Variants in MICU3 observed in about 807,000 individuals in gnomAD.
The protein encoded by MICU3 is calcium uptake protein 3, mitochondrial.
A neutral mutation model predicts 66.5 loss-of-function variants in MICU3; 62 were observed. The ratio of observed to expected loss-of-function variants is 0.93; its 90% CI spans 0.76 to 1.15. MICU3 has a LOEUF of 1.15. Among genes scored for constraint, MICU3 ranks in the 50% most tolerant of loss-of-function variants. The probability of loss-of-function intolerance (pLI) is 0.00; values close to 1 mark genes in which losing one functional copy is unlikely to be tolerated. For synonymous variants in MICU3, 308 were observed against 240.7 expected (o/e 1.28, Z -2.59); for missense variants, 779 against 664.4 (o/e 1.17, Z -1.90).
chr8:17,077,739 G>T lies in MICU3; in HGVS notation c.568-44G>T, dbSNP rs373142084. ...AACATGTTTTTGATCTATTTTATTA[G>T]TAAGTTGTTTACCAATTCATCAGTA... On this transcript the variant is annotated intron_variant, in intron 3 of 14. Coordinates refer to ENST00000318063, the MANE Select transcript of MICU3 (RefSeq NM_181723.3). The T allele has an allele frequency of 3.0e-6, 4 of 1,331,316 alleles. No individual in the cohort carries two copies. In the African/African-American group the frequency reaches 5.8e-5, roughly 19 times the overall value. 82.5% of individuals were successfully genotyped at this position (1,331,316 alleles called of 1,614,324 possible).
chr8:17,036,705 A>G (rs1039448671), intron 1 of MICU3, among the ~76,000 whole-genome samples: 1 of 152,220 alleles, frequency 6.6e-6, no homozygotes, highest in Admixed American at 6.5e-5. Context: ...TGAGCTAGAT[A>G]TAAAGACTCT....
At chr8:17,061,614 T>C (rs1397170817) in intron 1 of MICU3, among the ~76,000 whole-genome samples, 1 of 152,078 alleles carries the variant, frequency 6.6e-6, no homozygotes, top group African/African-American at 2.4e-5. Flanking sequence ...GCAGAAACAG[T>C]GGGAGCTCCA....
At chr8:17,087,183 G>C in intron 7 of MICU3, 148 bp downstream of exon 7, 1 of 572,116 alleles carries the variant, frequency 1.7e-6, no homozygotes. Context: ...AATTGCTTCA[G>C]TATTTATATG....
intron 2 of MICU3, among the ~76,000 whole-genome samples, chr8:17,065,494 A>G (rs1818539895): frequency 6.6e-6 from 1 of 152,206 alleles, no homozygotes; most frequent in African/African-American, 2.4e-5. Flanking sequence ...CTAGGCCTTG[A>G]GGAATTTCTG....
intron 1 of MICU3, among the ~76,000 whole-genome samples, chr8:17,036,916 G>T (rs1813109961): frequency 6.6e-6 from 1 of 152,262 alleles, no homozygotes; most frequent in South Asian, 2.1e-4. Context: ...CACGGAGTGG[G>T]TGGGAGGCTC....
intron 1 of MICU3, among the ~76,000 whole-genome samples, chr8:17,056,382 C>T (rs1385203696): frequency 1.3e-5 from 2 of 152,186 alleles, no homozygotes; most frequent in East Asian, 3.8e-4. Context: ...CTGCATCTCC[C>T]ATACCTTTCC....
intron 1 of MICU3, among the ~76,000 whole-genome samples, chr8:17,053,460 G>T (rs1816428784): frequency 6.6e-6 from 1 of 152,168 alleles, no homozygotes; most frequent in African/African-American, 2.4e-5. Context: ...GATGTACTCT[G>T]TTGCCTGAAG....
Position 17,121,134 on chromosome 8 carries a change from C to G in MICU3, c.*847C>G, listed in dbSNP as rs373693079. 12 of 151,912 alleles carry G rather than the reference C, an allele frequency of 7.9e-5. No individual in the cohort carries two copies. The highest frequency in any genetic ancestry group is 2.9e-4 in the African/African-American group (12 of 41,510). 9.4% of individuals were successfully genotyped at this position (151,912 alleles called of 1,614,324 possible). ...TCATAGGTGGTACACGTTAATAACA[C>G]TAGTAAAAATAACGTCTTACACTCT... On this transcript the variant is annotated 3_prime_UTR_variant, in exon 15 of 15. Coordinates refer to ENST00000318063, the MANE Select transcript of MICU3 (RefSeq NM_181723.3).
At position 17,045,359 on chromosome 8, in the gene MICU3, C is replaced by T. The variant is rs1260913592; in HGVS notation, c.381+17699C>T. On this transcript the variant is annotated intron_variant, in intron 1 of 14. Coordinates refer to ENST00000318063, the MANE Select transcript of MICU3 (RefSeq NM_181723.3). ...ATTCCAGGGAGCATCCTGCCCCATA[C>T]CCTGGAGGAAGGAATGCTGCACAGA... Among the ~76,000 whole-genome samples, 4 of 152,114 alleles carry T rather than the reference C, an allele frequency of 2.6e-5. No homozygotes were observed. In the East Asian group the frequency reaches 5.8e-4, roughly 22 times the overall value.
intron 1 of MICU3, among the ~76,000 whole-genome samples, chr8:17,031,302 T>TTAG (rs1164056811): frequency 6.7e-6 from 1 of 149,086 alleles, no homozygotes; most frequent in Non-Finnish European, 1.5e-5. Flanking sequence ...ATTATTATTA[T>TTAG]TTTGAGACAT....
rs1801558056 is a variant in MICU3 at position 17,104,476 on chromosome 8, T to C, written c.1070T>C (p.Phe357Ser). 3 of 1,446,554 alleles carry C rather than the reference T, an allele frequency of 2.1e-6. No homozygotes were observed. Among genetic ancestry groups the C allele is most frequent in the Non-Finnish European group, 2.8e-6 (3 of 1,075,984 alleles). 89.6% of individuals were successfully genotyped at this position (1,446,554 alleles called of 1,614,324 possible). ...AAGAAAGGAAAAGCTGAGCTCAACT[T>C]TGAAGATTTTTATAGGTGAGCTTAT... The part of the protein sequence containing the change: ...FGKKGKAELN[F>S]EDFYRFMDNL... Residue 357 changes from phenylalanine (F) to serine (S), a missense_variant, in exon 10 of 15, where the codon TTT becomes TCT. Phe to Ser is a radical substitution (Grantham distance 155). Transcript: ENST00000318063.
intron 8 of MICU3, among the ~76,000 whole-genome samples, chr8:17,093,442 G>A (rs1800300693): frequency 6.6e-6 from 1 of 151,894 alleles, no homozygotes; most frequent in African/African-American, 2.4e-5. Context: ...AAAAGAATGT[G>A]TATTTTCCAG....
intron 3 of MICU3, among the ~76,000 whole-genome samples, chr8:17,071,167 A>T (rs1321534325): frequency 2.0e-5 from 3 of 152,182 alleles, no homozygotes; most frequent in Non-Finnish European, 4.4e-5. Context: ...CTGCTGTCAC[A>T]ACTGTTCCAT....
chr8:17,094,211 C>T (rs1800417327), intron 8 of MICU3, among the ~76,000 whole-genome samples: 1 of 151,976 alleles, frequency 6.6e-6, no homozygotes, highest in East Asian at 1.9e-4. Flanking sequence ...CCAGTTTCAT[C>T]TATGTTGTAT....
At chr8:17,103,402 T>A (rs901018760) in intron 9 of MICU3, among the ~76,000 whole-genome samples, 1 of 151,946 alleles carries the variant, frequency 6.6e-6, no homozygotes, top group African/African-American at 2.4e-5. Flanking sequence ...ATAAGAGTTC[T>A]GGACAAAAAG....
At chr8:17,069,647 A>T in intron 2 of MICU3, 41 bp from the exon 3 acceptor site, 1 of 1,249,994 alleles carries the variant, frequency 8.0e-7, no homozygotes, top group African/African-American at 1.5e-5. Context: ...ATATTCCATG[A>T]AGTATTTATT....
chr8:17,035,923 C>T (rs1469982066), intron 1 of MICU3, among the ~76,000 whole-genome samples: 1 of 152,190 alleles, frequency 6.6e-6, no homozygotes, highest in Non-Finnish European at 1.5e-5. Flanking sequence ...GTCTTCACAG[C>T]AGCCCCACCC....
chr8:17,103,120 G>A (rs1801416952), intron 9 of MICU3, among the ~76,000 whole-genome samples: 2 of 152,028 alleles, frequency 1.3e-5, no homozygotes, highest in South Asian at 4.1e-4. Context: ...GGGGACATGT[G>A]CAGGGGAAAT....
chr8:17,092,083 A>G (rs1023817032), intron 8 of MICU3, among the ~76,000 whole-genome samples: 2 of 151,932 alleles, frequency 1.3e-5, no homozygotes, highest in Admixed American at 6.6e-5. Flanking sequence ...TCACCATTTC[A>G]GCCAGGATGG....
Sources: gnomAD v4.1 joint callset for allele counts (sites outside exome capture counted in the v4.1 genomes callset) on GRCh38, gnomAD v4.1.1 for gene constraint, MANE v1.5 for transcripts, NCBI Gene and HGNC (gene_info 2026-07-23, HGNC 2026-07-21) for gene names.